The following RABGAP1L variants were observed in gnomAD, a reference collection of about 807,000 sequenced individuals.
The protein encoded by RABGAP1L is RAB GTPase activating protein 1 like.
In RABGAP1L, 63 loss-of-function variants were observed where a neutral mutation model predicts 137.7. The observed-to-expected ratio is 0.46, with a 90% CI of 0.37 to 0.56. RABGAP1L has a LOEUF of 0.56. RABGAP1L is among the 20% of genes least tolerant of loss of function. The probability of loss-of-function intolerance (pLI) is 0.00; values close to 1 mark genes in which losing one functional copy is unlikely to be tolerated. For missense variants in RABGAP1L, 1,095 were observed against 1,244.0 expected, an observed-to-expected ratio of 0.88 and a Z score of 1.80; for synonymous variants, 431 against 433.7, an observed-to-expected ratio of 0.99 and a Z score of 0.08.
At chr1:174,240,045 T>G (rs1266624860) in intron 4 of RABGAP1L, among the ~76,000 whole-genome samples, 3 of 152,250 alleles carry the variant, frequency 2.0e-5, no homozygotes, top group African/African-American at 2.4e-5. Context: ...AAAAATTGTT[T>G]TCAAAGTGTC....
chr1:174,176,536 G>A (rs924069765), intron 1 of RABGAP1L, among the ~76,000 whole-genome samples: 3 of 149,924 alleles, frequency 2.0e-5, no homozygotes, highest in Admixed American at 1.3e-4. Flanking sequence ...ATGGTGAAAC[G>A]CTGTCTCTAC....
At chr1:174,896,941 A>G (rs1471773609) in intron 19 of RABGAP1L, 1 of 152,178 alleles carries the variant, frequency 6.6e-6, no homozygotes, top group African/African-American at 2.4e-5. Context: ...TTGGTTCTGT[A>G]TGAACTTTAA....
At chr1:174,730,922 A>G (rs888758493) in intron 17 of RABGAP1L, among the ~76,000 whole-genome samples, 1 of 152,192 alleles carries the variant, frequency 6.6e-6, no homozygotes, top group Non-Finnish European at 1.5e-5. Context: ...TATAAGGACA[A>G]TACTACCCTT....
intron 18 of RABGAP1L, among the ~76,000 whole-genome samples, chr1:174,791,236 T>C (rs4652797): frequency 0.21 from 31,846 of 151,968 alleles, 3,656 homozygotes; most frequent in Admixed American, 0.25. Context: ...TCTTGACATA[T>C]TAATTTTGTA....
At chr1:174,176,713 GAAAAAAAAAAAAAA>G (rs71563251) in intron 1 of RABGAP1L, among the ~76,000 whole-genome samples, 218 of 21,548 alleles carry the variant, frequency 0.01, 5 homozygotes, top group South Asian at 0.049. Context: ...CCCTTTTTCA[GAAAAAAAAAAAAAA>G]AAAAAAAAAA....
At chr1:174,636,374 A>T (rs1360870059) in intron 13 of RABGAP1L, among the ~76,000 whole-genome samples, 1 of 152,038 alleles carries the variant, frequency 6.6e-6, no homozygotes, top group African/African-American at 2.4e-5. Context: ...ACACACACAA[A>T]AAAAATAGCT....
At chr1:174,215,037 C>G (rs531927642) in intron 1 of RABGAP1L, among the ~76,000 whole-genome samples, 1 of 152,134 alleles carries the variant, frequency 6.6e-6, no homozygotes, top group Admixed American at 6.5e-5. Flanking sequence ...AAACAATCAA[C>G]AAAGTGAAGA....
intron 13 of RABGAP1L, among the ~76,000 whole-genome samples, chr1:174,440,935 T>C (rs1421901089): frequency 6.6e-6 from 1 of 152,140 alleles, no homozygotes. Flanking sequence ...TTTATCCTAT[T>C]TGCCATTGAT....
rs112478069 is a variant in RABGAP1L at position 174,268,392 on chromosome 1, C to T, written c.987-4022C>T. Reference sequence around the variant, plus strand: ...TTTTTTTTGTATTTTTTAGTAGAGACGGAGGTTTCACCATGTTAGCCAGGA... The same window carrying T: ...TTTTTTTTGTATTTTTTAGTAGAGATGGAGGTTTCACCATGTTAGCCAGGA... On this transcript the variant is annotated intron_variant, in intron 7 of 25. Coordinates refer to ENST00000681986, the MANE Select transcript of RABGAP1L (RefSeq NM_001366446.1). Among the ~76,000 whole-genome samples the T allele has an allele frequency of 2.3e-3, 353 of 151,872 alleles. 1 individual carries two copies. The highest frequency in any genetic ancestry group is 7.8e-3 in the African/African-American group (325 of 41,436).
chr1:174,270,191 A>G (rs1463623680), intron 7 of RABGAP1L, among the ~76,000 whole-genome samples: 1 of 148,742 alleles, frequency 6.7e-6, no homozygotes, highest in Non-Finnish European at 1.5e-5. Flanking sequence ...GGTTGGTGGC[A>G]GGGCTTTTTT....
chr1:174,570,265 G>A (rs1667877451), intron 13 of RABGAP1L, among the ~76,000 whole-genome samples: 1 of 152,118 alleles, frequency 6.6e-6, no homozygotes, highest in Non-Finnish European at 1.5e-5. Flanking sequence ...ATGCATAGAG[G>A]TATAACGGTG....
Position 174,463,992 on chromosome 1 carries a change from T to C in RABGAP1L, c.1710+69847T>C, listed in dbSNP as rs147355954. On this transcript the variant is annotated intron_variant, in intron 13 of 25. Transcript: ENST00000681986. The stretch of plus-strand genomic sequence containing the variant: ...TGGATTACAAATTTTTTAAAGGCTT[T>C]CTGTTTACCCATTTAGGAACCAAAG... 2.5e-3 allele frequency among the ~76,000 whole-genome samples: 379 copies of C among 152,246 alleles called. 2 individuals are homozygous for C. Among genetic ancestry groups the C allele is most frequent in the African/African-American group, 8.3e-3 (346 of 41,550 alleles).
chr1:174,758,256 C>A (rs1314374656), intron 18 of RABGAP1L, among the ~76,000 whole-genome samples: 1 of 151,832 alleles, frequency 6.6e-6, no homozygotes, highest in Non-Finnish European at 1.5e-5. Context: ...TTTATCTCCC[C>A]CTCTGCTACT....
At chr1:174,939,925 C>T (rs1665574085) in intron 19 of RABGAP1L, among the ~76,000 whole-genome samples, 1 of 152,184 alleles carries the variant, frequency 6.6e-6, no homozygotes. Flanking sequence ...AATCATGAGA[C>T]AGTAAGAATA....
At chr1:174,447,890 G>GCCCCCCCCCCCCCCCC (rs11321562) in intron 13 of RABGAP1L, among the ~76,000 whole-genome samples, 9 of 69,562 alleles carry the variant, frequency 1.3e-4, no homozygotes, top group South Asian at 6.0e-4. Flanking sequence ...ACCCCTTACC[G>GCCCCCCCCCCCCCCCC]CCCCCCCCCC....
At chr1:174,261,493 G>T (rs1382714528) in intron 7 of RABGAP1L, among the ~76,000 whole-genome samples, 1 of 152,002 alleles carries the variant, frequency 6.6e-6, no homozygotes, top group Admixed American at 6.6e-5. Flanking sequence ...GTGTAGCATG[G>T]GTGATTGATA....
chr1:174,775,675 T>C (rs1178479748), intron 18 of RABGAP1L, among the ~76,000 whole-genome samples: 1 of 152,132 alleles, frequency 6.6e-6, no homozygotes, highest in Non-Finnish European at 1.5e-5. Context: ...GACCTTTCAG[T>C]GTCTGTGATT....
At chr1:174,900,447 G>A (rs1657953735) in intron 19 of RABGAP1L, among the ~76,000 whole-genome samples, 1 of 152,206 alleles carries the variant, frequency 6.6e-6, no homozygotes, top group South Asian at 2.1e-4. Context: ...TGCTTGGTGT[G>A]TGTGGTCTAT....
intron 19 of RABGAP1L, among the ~76,000 whole-genome samples, chr1:174,858,990 A>C (rs1201738031): frequency 6.6e-6 from 1 of 152,230 alleles, no homozygotes; most frequent in Non-Finnish European, 1.5e-5. Flanking sequence ...CATTGTGGAA[A>C]AGATAGTGTG....
Sources: gnomAD v4.1 joint callset for allele counts (sites outside exome capture counted in the v4.1 genomes callset) on GRCh38, gnomAD v4.1.1 for gene constraint, MANE v1.5 for transcripts, NCBI Gene and HGNC (gene_info 2026-07-23, HGNC 2026-07-21) for gene names.